The following SNTG2 variants were observed in gnomAD, a reference collection of about 807,000 sequenced individuals.
SNTG2 encodes the protein gamma-2-syntrophin.
In SNTG2, 74 loss-of-function variants were observed where a neutral mutation model predicts 70.9. That is an observed-to-expected ratio of 1.04 (90% CI 0.86 to 1.27). The LOEUF (loss-of-function observed/expected upper bound fraction) is 1.27. SNTG2 is among the 50% of genes most tolerant of loss of function. The pLI, the probability that SNTG2 is intolerant of heterozygous loss-of-function variation, is 0.00. For synonymous variants in SNTG2, 278 were observed against 273.8 expected (o/e 1.02, Z -0.15); for missense variants, 717 against 690.7 (o/e 1.04, Z -0.43).
chr2:1,154,896 A>G (rs1261278655), intron 6 of SNTG2, among the ~76,000 whole-genome samples: 1 of 150,796 alleles, frequency 6.6e-6, no homozygotes, highest in African/African-American at 2.4e-5. Context: ...ACACACAAAG[A>G]CACATACCAC....
intron 1 of SNTG2, among the ~76,000 whole-genome samples, chr2:1,028,409 G>A (rs550969044): frequency 3.9e-5 from 6 of 152,380 alleles, no homozygotes; most frequent in Admixed American, 3.9e-4. Flanking sequence ...ACTGACTGCA[G>A]GTATCCTGAT....
chr2:1,187,961 A>AG (rs1672347695), intron 8 of SNTG2, among the ~76,000 whole-genome samples: 1 of 152,246 alleles, frequency 6.6e-6, no homozygotes, highest in Non-Finnish European at 1.5e-5. Flanking sequence ...GAATTTCTGA[A>AG]GGACACACTT....
intron 1 of SNTG2, among the ~76,000 whole-genome samples, chr2:996,708 A>G (rs867564925): frequency 2.8e-5 from 1 of 35,286 alleles, no homozygotes; most frequent in South Asian, 8.7e-4. Flanking sequence ...TTTTTTTACT[A>G]CCACTAGGTA....
chr2:954,581 T>C (rs1660081298), intron 1 of SNTG2, among the ~76,000 whole-genome samples: 1 of 152,164 alleles, frequency 6.6e-6, no homozygotes, highest in African/African-American at 2.4e-5. Context: ...GATGTCACTT[T>C]CCCCCAGTCC....
intron 1 of SNTG2, among the ~76,000 whole-genome samples, chr2:1,063,307 A>C (rs1662942871): frequency 6.6e-6 from 1 of 152,210 alleles, no homozygotes; most frequent in African/African-American, 2.4e-5. Context: ...TGTGAAAAGC[A>C]GCATTTAGCT....
chr2:1,050,651 AT>A (rs1368385189), intron 1 of SNTG2, among the ~76,000 whole-genome samples: 2 of 152,142 alleles, frequency 1.3e-5, no homozygotes, highest in African/African-American at 4.8e-5. Context: ...GGCCCTTTGC[AT>A]TTCCATTTAA....
chr2:1,157,647 A>G (rs1445428313), intron 6 of SNTG2, among the ~76,000 whole-genome samples: 1 of 152,368 alleles, frequency 6.6e-6, no homozygotes, highest in South Asian at 2.1e-4. Context: ...CTGTTTCTTT[A>G]TTAACATAGT....
chr2:1,030,521 C>A (rs1312119173), intron 1 of SNTG2, among the ~76,000 whole-genome samples: 1 of 152,188 alleles, frequency 6.6e-6, no homozygotes, highest in East Asian at 1.9e-4. Flanking sequence ...CCGAGCTGTC[C>A]ACACGTGTGC....
chr2:1,277,082 A>G lies in SNTG2; in HGVS notation c.1284+9511A>G, dbSNP rs111637434. Among the ~76,000 whole-genome samples, 600 of 152,314 alleles carry G rather than the reference A, an allele frequency of 3.9e-3. 6 individuals carry two copies. The highest frequency in any genetic ancestry group is 0.014 in the Middle Eastern group (4 of 294). ...AAAGTGGTTTCTTGAGATGGAATCTACTCCTGGTAAAGATTGTATTAATAT... is the reference window on the plus strand; with the variant it reads ...AAAGTGGTTTCTTGAGATGGAATCTGCTCCTGGTAAAGATTGTATTAATAT... On this transcript the variant is annotated intron_variant, in intron 14 of 16. Coordinates refer to ENST00000308624, the MANE Select transcript of SNTG2 (RefSeq NM_018968.4).
At chr2:1,083,697 C>T (rs778217080) in intron 2 of SNTG2, 42 bp downstream of exon 2, 19 of 1,609,378 alleles carry the variant, frequency 1.2e-5, no homozygotes, top group South Asian at 5.5e-5. Flanking sequence ...GTGTTTCGGA[C>T]GAGCCCCATG....
At chr2:1,298,533 T>C in intron 14 of SNTG2, among the ~76,000 whole-genome samples, 1 of 152,178 alleles carries the variant, frequency 6.6e-6, no homozygotes, top group Non-Finnish European at 1.5e-5. Context: ...TAAGCATTGG[T>C]AGAGACCCTG....
At chr2:1,133,517 C>A (rs1668158624) in intron 4 of SNTG2, among the ~76,000 whole-genome samples, 1 of 152,108 alleles carries the variant, frequency 6.6e-6, no homozygotes, top group African/African-American at 2.4e-5. Context: ...GCTGTATTTC[C>A]ATTTTGTATA....
At chr2:1,255,860 A>ATAAATATATG in intron 12 of SNTG2, among the ~76,000 whole-genome samples, 1 of 43,212 alleles carries the variant, frequency 2.3e-5, no homozygotes, top group South Asian at 9.3e-4. Context: ...ATAAATATAT[A>ATAAATATATG]TAAATATATA....
chr2:985,828 T>A (rs2147972319), intron 1 of SNTG2, among the ~76,000 whole-genome samples: 1 of 152,234 alleles, frequency 6.6e-6, no homozygotes, highest in African/African-American at 2.4e-5. Context: ...ATCACGTGAA[T>A]CCTCTTAACT....
At chr2:1,147,502 A>G (rs1022531764) in intron 6 of SNTG2, among the ~76,000 whole-genome samples, 3 of 152,178 alleles carry the variant, frequency 2.0e-5, no homozygotes, top group Non-Finnish European at 4.4e-5. Context: ...ATCAGACTTC[A>G]AGTTCTTCAG....
intron 1 of SNTG2, among the ~76,000 whole-genome samples, chr2:987,697 C>A (rs1175638543): frequency 6.6e-6 from 1 of 152,080 alleles, no homozygotes; most frequent in African/African-American, 2.4e-5. Context: ...CATATGTGGT[C>A]CTTTGTCTCA....
At chr2:1,339,753 A>T (rs1229577876) in intron 16 of SNTG2, among the ~76,000 whole-genome samples, 1 of 152,240 alleles carries the variant, frequency 6.6e-6, no homozygotes, top group African/African-American at 2.4e-5. Context: ...ATAACTGCCT[A>T]ACCCACAGAA....
rs115872679 is a variant in SNTG2, at chr2:984,787, G to A, written c.72+33719G>A. ...AGGGTAACAGACGTCCAGGTGCTGC[G>A]TCAGCTCCACGGGGAGGGAAGCACC... On this transcript the variant is annotated intron_variant, in intron 1 of 16. Coordinates refer to ENST00000308624, the MANE Select transcript of SNTG2 (RefSeq NM_018968.4). Among the ~76,000 whole-genome samples the A allele has an allele frequency of 6.9e-3, 1,058 of 152,308 alleles. 20 individuals carry two copies. Among genetic ancestry groups the A allele is most frequent in the African/African-American group, 0.024 (999 of 41,562 alleles).
At chr2:998,932 C>T (rs887556524) in intron 1 of SNTG2, among the ~76,000 whole-genome samples, 1 of 152,000 alleles carries the variant, frequency 6.6e-6, no homozygotes, top group Non-Finnish European at 1.5e-5. Flanking sequence ...AATTTCTAAG[C>T]CTATCAATGG....
Sources: allele counts gnomAD v4.1 joint callset (sites outside exome capture counted in the v4.1 genomes callset), GRCh38; gene constraint gnomAD v4.1.1; transcripts MANE v1.5; gene names NCBI Gene and HGNC (gene_info 2026-07-23, HGNC 2026-07-21).